MYRIP: variants seen among roughly 807,000 people sequenced by gnomAD.
The protein encoded by MYRIP is myosin VIIA and Rab interacting protein.
MYRIP carries 49 observed loss-of-function variants against 98.0 expected under a neutral mutation model. The observed-to-expected ratio is 0.50, with a 90% CI of 0.40 to 0.63. MYRIP has a LOEUF of 0.63. MYRIP is among the 30% of genes least tolerant of loss of function. MYRIP has a pLI of 0.00. For synonymous variants in MYRIP, 404 were observed against 409.5 expected (o/e 0.99, Z 0.16); for missense variants, 1,004 against 1,058.2 (o/e 0.95, Z 0.71).
intron 3 of MYRIP, among the ~76,000 whole-genome samples, chr3:40,049,266 T>C (rs950983864): frequency 5.9e-5 from 9 of 152,194 alleles, no homozygotes; most frequent in South Asian, 4.1e-4. Context: ...AACCCTGCAT[T>C]GAGCAAGTCT....
At chr3:40,247,416 C>T (rs1243564981) in intron 13 of MYRIP, among the ~76,000 whole-genome samples, 1 of 152,144 alleles carries the variant, frequency 6.6e-6, no homozygotes, top group Admixed American at 6.5e-5. Flanking sequence ...CATAAGTGAG[C>T]TACTGCTACT....
At chr3:40,017,310 G>C in intron 2 of MYRIP, among the ~76,000 whole-genome samples, 1 of 152,068 alleles carries the variant, frequency 6.6e-6, no homozygotes, top group East Asian at 1.9e-4. Context: ...ACTACAAAAC[G>C]ATGAGTGTAT....
At chr3:39,916,352 T>C (rs559921676) in intron 2 of MYRIP, among the ~76,000 whole-genome samples, 14 of 151,984 alleles carry the variant, frequency 9.2e-5, no homozygotes, top group African/African-American at 1.9e-4. Context: ...GACAATTTTA[T>C]CTGATTTGCT....
Position 39,934,304 on chromosome 3 carries a change from A to G in MYRIP, c.110+33378A>G, listed in dbSNP as rs1160262535. The stretch of plus-strand genomic sequence containing the variant: ...AGCCTGGAGCTAAGGAGGGCAGAAG[A>G]AGCAGATGTGATAGGCTTTGTTTTT... On this transcript the variant is annotated intron_variant, in intron 2 of 16. Transcript: ENST00000302541. 3.9e-5 allele frequency among the ~76,000 whole-genome samples: 6 copies of G among 152,020 alleles called. No homozygotes were observed. In the East Asian group the frequency reaches 1.2e-3, roughly 29 times the overall value.
intron 2 of MYRIP, among the ~76,000 whole-genome samples, chr3:40,024,675 C>T (rs923707903): frequency 5.9e-5 from 9 of 152,020 alleles, no homozygotes; most frequent in African/African-American, 1.4e-4. Flanking sequence ...CCAGCTTTCT[C>T]GCAGCTGTTC....
intron 13 of MYRIP, among the ~76,000 whole-genome samples, chr3:40,248,675 A>C (rs1953278872): frequency 6.6e-6 from 1 of 152,180 alleles, no homozygotes; most frequent in Admixed American, 6.5e-5. Flanking sequence ...CCTCTGAGCA[A>C]GGCCCTCCAT....
intron 4 of MYRIP, among the ~76,000 whole-genome samples, chr3:40,158,526 G>A (rs1183970394): frequency 2.6e-5 from 4 of 152,124 alleles, no homozygotes; most frequent in Non-Finnish European, 5.9e-5. Flanking sequence ...TTGGTGCAGA[G>A]CTGAGTTCAA....
intron 1 of MYRIP, among the ~76,000 whole-genome samples, chr3:39,879,113 T>C (rs1050122124): frequency 1.3e-5 from 2 of 151,576 alleles, no homozygotes; most frequent in Admixed American, 6.6e-5. Context: ...TATATAGATA[T>C]ATATGTAGAG....
chr3:40,018,052 T>C lies in MYRIP; in HGVS notation c.111-25998T>C, dbSNP rs143331787. ...AGAAGTTTTCTCGTTTCCTTATGAA[T>C]GTATCAATCATAGTTCAGCAAGATG... On this transcript the variant is annotated intron_variant, in intron 2 of 16. Coordinates refer to ENST00000302541, the MANE Select transcript of MYRIP (RefSeq NM_015460.4). 1.5e-4 allele frequency among the ~76,000 whole-genome samples: 23 copies of C among 152,332 alleles called. 1 individual carries two copies. Among genetic ancestry groups the C allele is most frequent in the African/African-American group, 5.1e-4 (21 of 41,572 alleles).
chr3:39,839,930 A>G (rs1941745969), intron 1 of MYRIP, among the ~76,000 whole-genome samples: 1 of 152,190 alleles, frequency 6.6e-6, no homozygotes, highest in Non-Finnish European at 1.5e-5. Context: ...TGTGGTACTG[A>G]GAAAAATATA....
chr3:39,924,991 G>A (rs1944388192), intron 2 of MYRIP, among the ~76,000 whole-genome samples: 1 of 151,640 alleles, frequency 6.6e-6, no homozygotes, highest in African/African-American at 2.4e-5. Context: ...AGTACTAAAT[G>A]CATACTGGAA....
chr3:39,854,358 G>T (rs1323253837), intron 1 of MYRIP, among the ~76,000 whole-genome samples: 1 of 151,612 alleles, frequency 6.6e-6, no homozygotes, highest in Non-Finnish European at 1.5e-5. Context: ...TTTTTTCTTT[G>T]TGTTTGTCTG....
At chr3:40,145,903 GA>G (rs1318105440) in intron 3 of MYRIP, among the ~76,000 whole-genome samples, 1 of 152,142 alleles carries the variant, frequency 6.6e-6, no homozygotes, top group East Asian at 1.9e-4. Flanking sequence ...ATACTAAGTG[GA>G]AAAAACAAGT....
chr3:39,899,318 T>C (rs971757268), intron 1 of MYRIP, among the ~76,000 whole-genome samples: 1 of 152,232 alleles, frequency 6.6e-6, no homozygotes, highest in Non-Finnish European at 1.5e-5. Context: ...TCTTTGCCAC[T>C]GTGGTAGAAT....
chr3:39,867,317 G>A (rs780827819), intron 1 of MYRIP, among the ~76,000 whole-genome samples: 5 of 152,088 alleles, frequency 3.3e-5, no homozygotes, highest in Non-Finnish European at 7.4e-5. Flanking sequence ...TAAACATGTT[G>A]TACTACATTA....
At chr3:40,207,857 C>A (rs1951826451) in intron 10 of MYRIP, among the ~76,000 whole-genome samples, 1 of 152,130 alleles carries the variant, frequency 6.6e-6, no homozygotes, top group Non-Finnish European at 1.5e-5. Flanking sequence ...ATAATATAAC[C>A]AATTTCACCA....
chr3:39,912,318 C>A (rs549686009), intron 2 of MYRIP, among the ~76,000 whole-genome samples: 1 of 152,262 alleles, frequency 6.6e-6, no homozygotes, highest in Non-Finnish European at 1.5e-5. Flanking sequence ...TTGGTTCTGA[C>A]CACCTCTGGA....
At position 40,182,328 on chromosome 3, in the gene MYRIP, T is replaced by G; in HGVS notation, c.982T>G (p.Ser328Ala). 11 of 1,613,350 alleles carry G rather than the reference T, an allele frequency of 6.8e-6. No individual in the cohort carries two copies. The highest frequency in any genetic ancestry group is 8.5e-6 in the Non-Finnish European group (10 of 1,179,726). ...RDQGQHPRAE[S>A]ALPSWKSVDR... ...CCAAGGCCAACACCCGAGAGCAGAG[T>G]CTGCTCTGCCCAGCTGGAAGAGTGT... The change falls in exon 9 of 17, where the codon TCT (serine) becomes GCT (alanine). Residue 328 changes from serine to alanine, a missense_variant. Around this residue, in one of 3 missense-constraint regions of MYRIP, gnomAD observed 880 missense variants for 907.7 expected, o/e 0.97. Transcript: ENST00000302541.
intron 2 of MYRIP, among the ~76,000 whole-genome samples, chr3:39,936,121 A>C (rs1422414195): frequency 6.6e-6 from 1 of 152,202 alleles, no homozygotes; most frequent in Non-Finnish European, 1.5e-5. Context: ...TATAGGCTGA[A>C]GTTCTTTATA....
Sources: allele counts gnomAD v4.1 joint callset (sites outside exome capture counted in the v4.1 genomes callset), GRCh38; gene constraint gnomAD v4.1.1; regional missense constraint gnomAD v4.1.1; transcripts MANE v1.5; gene names NCBI Gene and HGNC (gene_info 2026-07-23, HGNC 2026-07-21).